Variants in MGLL observed in about 807,000 individuals in gnomAD.
MGLL encodes monoglyceride lipase.
Under a neutral mutation model 29.1 loss-of-function variants are expected in MGLL, and 7 were observed. The ratio of observed to expected loss-of-function variants is 0.24; its 90% CI spans 0.14 to 0.45. The LOEUF (loss-of-function observed/expected upper bound fraction) is 0.45. Among genes scored for constraint, MGLL ranks in the 20% least tolerant of loss-of-function variants. The pLI, the probability that MGLL is intolerant of heterozygous loss-of-function variation, is 0.99. For missense variants in MGLL, 356 were observed against 413.6 expected, an observed-to-expected ratio of 0.86 and a Z score of 1.21; for synonymous variants, 148 against 168.3, an observed-to-expected ratio of 0.88 and a Z score of 0.93.
intron 2 of MGLL, among the ~76,000 whole-genome samples, chr3:127,809,875 A>T (rs1030287457): frequency 6.6e-6 from 1 of 152,232 alleles, no homozygotes; most frequent in Non-Finnish European, 1.5e-5. Flanking sequence ...CAGCAACTTC[A>T]TGCAGGCTGG....
Position 127,761,848 on chromosome 3 carries a change from G to A in MGLL, c.262+19941C>T, listed in dbSNP as rs1403717445. 1.3e-5 allele frequency among the ~76,000 whole-genome samples: 2 copies of A among 152,294 alleles called. No homozygotes were observed. The highest frequency in any genetic ancestry group is 3.9e-4 in the East Asian group (2 of 5,182). ...CAGACAAGCACTAAATATGCGTAGTGCACCCAGCGCACTTGCCGGGGAGTT... is the reference window on the plus strand; with the variant it reads ...CAGACAAGCACTAAATATGCGTAGTACACCCAGCGCACTTGCCGGGGAGTT... On this transcript the variant is annotated intron_variant, in intron 3 of 7. Coordinates refer to ENST00000265052, the MANE Select transcript of MGLL (RefSeq NM_007283.7). The surrounding 1 kb of genome is among the most constrained non-coding windows in gnomAD (Gnocchi z 4.6).
At chr3:127,792,317 A>ATT (rs1315334008) in intron 2 of MGLL, among the ~76,000 whole-genome samples, 1 of 152,230 alleles carries the variant, frequency 6.6e-6, no homozygotes, top group Non-Finnish European at 1.5e-5. Flanking sequence ...GGCTGGAGTA[A>ATT]TGGCAAAGGG....
chr3:127,723,512 G>A (rs555537941), intron 3 of MGLL, among the ~76,000 whole-genome samples: 72 of 152,088 alleles, frequency 4.7e-4, no homozygotes, highest in African/African-American at 1.7e-3. Context: ...CCAAGCTCCC[G>A]TGTTTCCCAC....
intron 2 of MGLL, among the ~76,000 whole-genome samples, 178 bp downstream of exon 2, chr3:127,821,516 A>G (rs2077859360): frequency 6.6e-6 from 1 of 152,244 alleles, no homozygotes; most frequent in African/African-American, 2.4e-5. Flanking sequence ...CTTAAATTTA[A>G]AAATTATAAA....
At chr3:127,759,217 G>T (rs139778269) in intron 3 of MGLL, among the ~76,000 whole-genome samples, 1 of 152,136 alleles carries the variant, frequency 6.6e-6, no homozygotes, top group African/African-American at 2.4e-5. Flanking sequence ...GAGCCACTGC[G>T]CCCGGCCCTG....
rs527284876 is a variant in MGLL, at chr3:127,705,461, C to G, written c.600+5115G>C. Reference sequence around the variant, plus strand: ...AAAAGAAAAGAAATGGGCAAAGGATCTGAACAAACATTTCTCTAAAGAAGA... The same window carrying G: ...AAAAGAAAAGAAATGGGCAAAGGATGTGAACAAACATTTCTCTAAAGAAGA... On this transcript the variant is annotated intron_variant, in intron 6 of 7. Coordinates refer to ENST00000265052, the MANE Select transcript of MGLL (RefSeq NM_007283.7). Among the ~76,000 whole-genome samples the G allele has an allele frequency of 2.8e-4, 43 of 152,034 alleles. 1 individual carries two copies. The South Asian group carries it at 8.7e-3, about 31-fold the overall frequency.
intron 4 of MGLL, among the ~76,000 whole-genome samples, chr3:127,721,561 T>G (rs2075925760): frequency 7.0e-6 from 1 of 142,700 alleles, no homozygotes; most frequent in Non-Finnish European, 1.5e-5. Flanking sequence ...TAATAATAGA[T>G]TGCTATACTA....
At chr3:127,782,641 AC>A (rs2107710905) in intron 2 of MGLL, among the ~76,000 whole-genome samples, 1 of 152,150 alleles carries the variant, frequency 6.6e-6, no homozygotes, top group Admixed American at 6.5e-5. Context: ...AATTTTCAAG[AC>A]CTATATTCTT....
intron 3 of MGLL, among the ~76,000 whole-genome samples, chr3:127,740,701 G>C (rs996793284): frequency 1.3e-5 from 2 of 152,214 alleles, no homozygotes; most frequent in Non-Finnish European, 2.9e-5. Context: ...AGTCACCAGT[G>C]CGGGGACAAT....
intron 3 of MGLL, among the ~76,000 whole-genome samples, chr3:127,764,458 G>A (rs1054348633): frequency 3.3e-5 from 5 of 152,236 alleles, no homozygotes; most frequent in South Asian, 4.2e-4. Context: ...GAAGAAGGAC[G>A]GAAAGCCCCC....
At chr3:127,818,468 T>C (rs572182900) in intron 2 of MGLL, among the ~76,000 whole-genome samples, 1 of 152,256 alleles carries the variant, frequency 6.6e-6, no homozygotes, top group African/African-American at 2.4e-5. Context: ...CTCTGTCTTC[T>C]GAGTTTCTGG....
At chr3:127,820,392 G>A (rs188347121) in intron 2 of MGLL, among the ~76,000 whole-genome samples, 18 of 152,268 alleles carry the variant, frequency 1.2e-4, no homozygotes, top group Non-Finnish European at 2.2e-4. Flanking sequence ...CCCTCCCCCT[G>A]TGCCAGGACT....
chr3:127,787,909 A>T (rs1468005689), intron 2 of MGLL, among the ~76,000 whole-genome samples: 1 of 152,226 alleles, frequency 6.6e-6, no homozygotes. Context: ...TAACTAAGGC[A>T]GGAGAGCATG....
chr3:127,798,944 A>C (rs1252377508), intron 2 of MGLL, among the ~76,000 whole-genome samples: 2 of 152,166 alleles, frequency 1.3e-5, no homozygotes. Context: ...AGGGCAGAGC[A>C]GGGGAGCAGT....
At chr3:127,711,694 C>A (rs1274937798) in intron 5 of MGLL, 1 of 151,658 alleles carries the variant, frequency 6.6e-6, no homozygotes, top group African/African-American at 2.4e-5. Flanking sequence ...CACCGAGGAA[C>A]CACCTTCTGG....
At chr3:127,722,330 G>A in intron 4 of MGLL, 100 bp downstream of exon 4, 1 of 1,509,688 alleles carries the variant, frequency 6.6e-7, no homozygotes, top group South Asian at 1.1e-5. Context: ...TGCCAGCCAG[G>A]CAGAGAGCAG....
chr3:127,785,521 T>A (rs1421237513), intron 2 of MGLL, among the ~76,000 whole-genome samples: 1 of 152,226 alleles, frequency 6.6e-6, no homozygotes, highest in East Asian at 1.9e-4. Flanking sequence ...GAAACCCAGA[T>A]GTGGAGGAAA....
At chr3:127,726,180 G>GAAAGAAAGAAAGA (rs1398585291) in intron 3 of MGLL, among the ~76,000 whole-genome samples, 1 of 51,342 alleles carries the variant, frequency 1.9e-5, no homozygotes, top group African/African-American at 6.5e-5. Context: ...AAGAAAGAAA[G>GAAAGAAAGAAAGA]AAAGAAAAGA....
chr3:127,701,065 A>G (rs2075470778), intron 6 of MGLL, among the ~76,000 whole-genome samples: 1 of 151,784 alleles, frequency 6.6e-6, no homozygotes, highest in African/African-American at 2.4e-5. Context: ...AAATACAAAA[A>G]TTAGCCTGGT....
Sources: gnomAD v4.1 joint callset for allele counts (sites outside exome capture counted in the v4.1 genomes callset) on GRCh38, gnomAD v4.1.1 for gene constraint, Gnocchi (gnomAD v3.1) non-coding constraint, MANE v1.5 for transcripts, NCBI Gene and HGNC (gene_info 2026-07-23, HGNC 2026-07-21) for gene names.